Variants in CDH20 observed in about 807,000 individuals in gnomAD.
CDH20 encodes cadherin-20.
Under a neutral mutation model 74.2 loss-of-function variants are expected in CDH20, and 29 were observed. The observed-to-expected ratio is 0.39, with a 90% CI of 0.29 to 0.53. The LOEUF is 0.53. CDH20 is among the 20% of genes least tolerant of loss of function. CDH20 has a pLI of 0.69. For missense variants in CDH20, 988 were observed against 1,048.3 expected, an observed-to-expected ratio of 0.94 and a Z score of 0.79; for synonymous variants, 469 against 405.4, an observed-to-expected ratio of 1.16 and a Z score of -1.88.
At chr18:61,488,027 A>G (rs1350836462) in intron 1 of CDH20, among the ~76,000 whole-genome samples, 3 of 152,136 alleles carry the variant, frequency 2.0e-5, no homozygotes, top group Non-Finnish European at 2.9e-5. Context: ...TAGGCAAAAT[A>G]TAGGTAAGAA....
At chr18:61,340,242 T>C (rs1196963895) in intron 1 of CDH20, among the ~76,000 whole-genome samples, 28 of 151,720 alleles carry the variant, frequency 1.8e-4, no homozygotes, top group Admixed American at 1.4e-3. Flanking sequence ...TTTTTAAAGG[T>C]CTGACCTTAG....
chr18:61,425,554 G>A (rs1913042744), intron 1 of CDH20, among the ~76,000 whole-genome samples: 1 of 152,160 alleles, frequency 6.6e-6, no homozygotes, highest in South Asian at 2.1e-4. Flanking sequence ...AAATTTTTCA[G>A]CAACTTGGAT....
chr18:61,553,173 T>C (rs566227593), intron 11 of CDH20, among the ~76,000 whole-genome samples: 40 of 152,266 alleles, frequency 2.6e-4, no homozygotes, highest in Admixed American at 8.5e-4. Context: ...TGTATGAATG[T>C]ACTCCACTTT....
At chr18:61,336,764 G>C (rs1227827375) in intron 1 of CDH20, among the ~76,000 whole-genome samples, 2 of 146,904 alleles carry the variant, frequency 1.4e-5, no homozygotes, top group Middle Eastern at 3.2e-3. Context: ...AAAACGTAAA[G>C]AGACACGGAA....
At chr18:61,543,621 C>A (rs189855384) in intron 9 of CDH20, among the ~76,000 whole-genome samples, 30 of 152,344 alleles carry the variant, frequency 2.0e-4, no homozygotes, top group African/African-American at 6.5e-4. Context: ...ACCTCCTGCT[C>A]TCCCCACTCC....
intron 9 of CDH20, among the ~76,000 whole-genome samples, chr18:61,543,286 G>A (rs1913104501): frequency 1.3e-5 from 2 of 152,168 alleles, no homozygotes; most frequent in African/African-American, 4.8e-5. Context: ...ACTGACCTTT[G>A]ATGTCCTGGT....
intron 10 of CDH20, among the ~76,000 whole-genome samples, chr18:61,548,817 A>T (rs190233077): frequency 1.8e-4 from 27 of 152,370 alleles, no homozygotes; most frequent in African/African-American, 6.5e-4. Context: ...ACAAATCACT[A>T]TTGCTCATCA....
rs117346434 is a variant in CDH20, at chr18:61,353,590, T to C, written c.-153+19763T>C. ...GTATCACAGTGCTTTGCACATATTT[T>C]AGTGTTTGTTAAGATTTTGTTCAGT... On this transcript the variant is annotated intron_variant, in intron 1 of 11. Coordinates refer to ENST00000262717, the MANE Select transcript of CDH20 (RefSeq NM_031891.4). This position sits in a 1 kb window ranked among gnomAD's most constrained non-coding sequence, Gnocchi z 4.6. 5.4e-3 allele frequency among the ~76,000 whole-genome samples: 817 copies of C among 152,348 alleles called. 5 individuals carry two copies. Among genetic ancestry groups the C allele is most frequent in the Non-Finnish European group, 8.7e-3 (595 of 68,032 alleles).
intron 1 of CDH20, among the ~76,000 whole-genome samples, chr18:61,404,299 A>T (rs1231075758): frequency 6.6e-6 from 1 of 152,222 alleles, no homozygotes; most frequent in East Asian, 1.9e-4. Context: ...GCATGTAATC[A>T]GAGAAAAACA....
chr18:61,478,961 AT>A (rs1431952111), intron 1 of CDH20, among the ~76,000 whole-genome samples: 1 of 151,796 alleles, frequency 6.6e-6, no homozygotes, highest in Non-Finnish European at 1.5e-5. Context: ...TATTATATAA[AT>A]ATAATAGTCT....
chr18:61,398,881 A>G (rs1214534752), intron 1 of CDH20, among the ~76,000 whole-genome samples: 1 of 152,190 alleles, frequency 6.6e-6, no homozygotes, highest in Non-Finnish European at 1.5e-5. Context: ...GATCTGGCCT[A>G]TATCAGTATG....
chr18:61,463,528 G>A (rs1051433437), intron 1 of CDH20, among the ~76,000 whole-genome samples: 3 of 152,158 alleles, frequency 2.0e-5, no homozygotes, highest in African/African-American at 7.2e-5. Flanking sequence ...TGTTTGGAAG[G>A]GCATAAGAGG....
At chr18:61,536,700 G>T (rs1373299888) in intron 8 of CDH20, 71 bp downstream of exon 8, 7 of 1,392,178 alleles carry the variant, frequency 5.0e-6, no homozygotes, top group Non-Finnish European at 7.0e-6. Context: ...GAAGTTTCTA[G>T]AACTTGTTGT....
At chr18:61,476,971 T>C (rs1599111657) in intron 1 of CDH20, among the ~76,000 whole-genome samples, 1 of 152,326 alleles carries the variant, frequency 6.6e-6, no homozygotes, top group East Asian at 1.9e-4. Flanking sequence ...GCACTCGGAA[T>C]GTACTGAGAG....
intron 1 of CDH20, among the ~76,000 whole-genome samples, chr18:61,346,106 A>G (rs539353963): frequency 3.3e-5 from 5 of 152,340 alleles, no homozygotes; most frequent in South Asian, 4.1e-4. Flanking sequence ...TGGCACCTTT[A>G]GAAGTCATTG....
intron 1 of CDH20, among the ~76,000 whole-genome samples, chr18:61,436,415 C>T (rs2041425): frequency 0.26 from 39,258 of 152,070 alleles, 5,596 homozygotes; most frequent in Non-Finnish European, 0.33. Flanking sequence ...CTCACCAACA[C>T]TTGTTATTAT....
intron 7 of CDH20, among the ~76,000 whole-genome samples, chr18:61,529,746 G>A (rs1339270418): frequency 6.6e-6 from 1 of 152,140 alleles, no homozygotes; most frequent in Non-Finnish European, 1.5e-5. Context: ...AAGACCCTAT[G>A]AGAGAAACTT....
intron 2 of CDH20, among the ~76,000 whole-genome samples, chr18:61,495,332 A>T (rs888948118): frequency 1.3e-5 from 2 of 152,170 alleles, no homozygotes; most frequent in Non-Finnish European, 2.9e-5. Context: ...GGTAAAGCGG[A>T]ATATTAAATG....
At chr18:61,446,115 T>C (rs1909195304) in intron 1 of CDH20, among the ~76,000 whole-genome samples, 2 of 152,220 alleles carry the variant, frequency 1.3e-5, no homozygotes, top group Non-Finnish European at 2.9e-5. Context: ...CATTGCATTT[T>C]ATTTGTTAGA....
Sources: gnomAD v4.1 joint callset for allele counts (sites outside exome capture counted in the v4.1 genomes callset) on GRCh38, gnomAD v4.1.1 for gene constraint, Gnocchi (gnomAD v3.1) non-coding constraint, MANE v1.5 for transcripts, NCBI Gene and HGNC (gene_info 2026-07-23, HGNC 2026-07-21) for gene names.